GRXCR1: variants seen among roughly 807,000 people sequenced by gnomAD.
The protein encoded by GRXCR1 is glutaredoxin domain-containing cysteine-rich protein 1.
Under a neutral mutation model 27.3 loss-of-function variants are expected in GRXCR1, and 27 were observed. The observed-to-expected ratio is 0.99, with a 90% CI of 0.73 to 1.37. GRXCR1 has a LOEUF of 1.37. Among genes scored for constraint, GRXCR1 ranks in the 40% most tolerant of loss-of-function variants. The probability of loss-of-function intolerance (pLI) is 0.00; values close to 1 mark genes in which losing one functional copy is unlikely to be tolerated. For missense variants in GRXCR1, 379 were observed against 354.4 expected, an observed-to-expected ratio of 1.07 and a Z score of -0.56; for synonymous variants, 122 against 131.1, an observed-to-expected ratio of 0.93 and a Z score of 0.47.
chr4:43,021,695 G>A (rs544159875), intron 3 of GRXCR1, among the ~76,000 whole-genome samples: 37 of 152,328 alleles, frequency 2.4e-4, no homozygotes, highest in African/African-American at 7.9e-4. Context: ...GTGGTTCAAT[G>A]AGGATGATGG....
rs1177949284 is a variant in GRXCR1 at position 43,001,644 on chromosome 4, GC to G, written c.628-18707del. 7.9e-5 allele frequency among the ~76,000 whole-genome samples: 12 copies of G among 152,170 alleles called. No individual in the cohort carries two copies. The East Asian group carries it at 2.1e-3, about 27-fold the overall frequency. On this transcript the variant is annotated intron_variant, in intron 2 of 3. Coordinates refer to ENST00000399770, the MANE Select transcript of GRXCR1 (RefSeq NM_001080476.3). ...TACCTCATTATGTTGTGAAGGGGTGGCCCTGCCCCTCCACACCTGCGGGTAT... is the reference window on the plus strand; with the variant it reads ...TACCTCATTATGTTGTGAAGGGGTGGCCTGCCCCTCCACACCTGCGGGTAT...
At chr4:42,962,192 G>T (rs1209833679) in intron 1 of GRXCR1, among the ~76,000 whole-genome samples, 1 of 151,872 alleles carries the variant, frequency 6.6e-6, no homozygotes, top group Admixed American at 6.6e-5. Context: ...AGTGTTGCTT[G>T]CCTCCCCTCC....
intron 1 of GRXCR1, among the ~76,000 whole-genome samples, chr4:42,944,536 C>T (rs750642553): frequency 1.7e-4 from 26 of 152,072 alleles, no homozygotes; most frequent in Non-Finnish European, 3.1e-4. Context: ...TTTCTTTGAT[C>T]CTCATAAGGG....
chr4:42,913,433 A>C (rs1221318931), intron 1 of GRXCR1, among the ~76,000 whole-genome samples: 1 of 152,182 alleles, frequency 6.6e-6, no homozygotes, highest in East Asian at 1.9e-4. Context: ...TACGCTTAAC[A>C]ACGAGACTGG....
intron 2 of GRXCR1, among the ~76,000 whole-genome samples, chr4:42,977,688 G>A (rs911144381): frequency 1.1e-4 from 16 of 151,798 alleles, no homozygotes; most frequent in Admixed American, 2.6e-4. Context: ...TGGGTTCCTT[G>A]TATATTCTGG....
chr4:42,991,281 C>T lies in GRXCR1; in HGVS notation c.627+28147C>T, dbSNP rs79700949. Among the ~76,000 whole-genome samples the T allele has an allele frequency of 4.3e-3, 658 of 152,096 alleles. 2 individuals carry two copies. Among genetic ancestry groups the T allele is most frequent in the African/African-American group, 0.014 (601 of 41,542 alleles). ...ACATAATTGGATTTTATATATTTGG[C>T]AACATCTGTGAATCTTTATGCTTTA... On this transcript the variant is annotated intron_variant, in intron 2 of 3. Coordinates refer to ENST00000399770, the MANE Select transcript of GRXCR1 (RefSeq NM_001080476.3).
intron 2 of GRXCR1, among the ~76,000 whole-genome samples, chr4:42,969,527 G>A (rs1005188129): frequency 6.6e-6 from 1 of 152,122 alleles, no homozygotes; most frequent in Non-Finnish European, 1.5e-5. Flanking sequence ...GGGAAAGCAA[G>A]CATGTCTTTA....
At chr4:43,014,024 T>C (rs1577945736) in intron 2 of GRXCR1, among the ~76,000 whole-genome samples, 2 of 149,226 alleles carry the variant, frequency 1.3e-5, no homozygotes, top group East Asian at 3.9e-4. Context: ...AGGCATTTTC[T>C]GACACCCAAA....
Position 43,030,361 on chromosome 4 carries a change from A to G in GRXCR1, c.694A>G (p.Arg232Gly). The change falls in exon 4 of 4, where the codon AGA becomes GGA. Residue 232 changes from arginine to glycine, a missense_variant and splice_region_variant. Physicochemically the swap from Arg to Gly is moderately radical, Grantham distance 125. Coordinates refer to ENST00000399770, the MANE Select transcript of GRXCR1 (RefSeq NM_001080476.3). ...ELQDILTKIE[R>G]VQHPHECPSC... ...CTTGTTCCCCTGCCACCTTATACAG[A>G]GAGTACAGCATCCACATGAGTGTCC... 1 of 1,613,478 alleles carries G rather than the reference A, an allele frequency of 6.2e-7. No homozygotes were observed. The highest frequency in any genetic ancestry group is 8.5e-7 in the Non-Finnish European group (1 of 1,179,918).
intron 1 of GRXCR1, among the ~76,000 whole-genome samples, chr4:42,949,141 G>A (rs1747817898): frequency 1.3e-5 from 2 of 151,794 alleles, no homozygotes; most frequent in Admixed American, 1.3e-4. Context: ...AGATCACGAG[G>A]TCAGGAGATC....
intron 2 of GRXCR1, among the ~76,000 whole-genome samples, chr4:43,004,220 G>A (rs766627249): frequency 2.6e-5 from 4 of 152,276 alleles, no homozygotes; most frequent in Non-Finnish European, 4.4e-5. Flanking sequence ...TGTTGGGCCT[G>A]TGAGTGTGCA....
intron 2 of GRXCR1, among the ~76,000 whole-genome samples, chr4:43,016,295 G>A (rs535343042): frequency 7.2e-5 from 11 of 152,130 alleles, no homozygotes; most frequent in African/African-American, 1.7e-4. Context: ...TGGTGACTAC[G>A]AAAGGACATG....
Position 43,028,637 on chromosome 4 carries a change from C to T in GRXCR1, c.694-1724C>T, listed in dbSNP as rs114708951. Among the ~76,000 whole-genome samples the T allele has an allele frequency of 4.9e-3, 751 of 152,352 alleles. 10 individuals carry two copies. Among genetic ancestry groups the T allele is most frequent in the African/African-American group, 0.015 (640 of 41,590 alleles). On this transcript the variant is annotated intron_variant, in intron 3 of 3. Transcript: ENST00000399770. ...TTTCTAGTATTTGATAAGAACTCCACTACTTAGGAATTTTCTCATATTTAG... is the reference window on the plus strand; with the variant it reads ...TTTCTAGTATTTGATAAGAACTCCATTACTTAGGAATTTTCTCATATTTAG...
chr4:42,935,382 G>A (rs576531414), intron 1 of GRXCR1, among the ~76,000 whole-genome samples: 1 of 152,008 alleles, frequency 6.6e-6, no homozygotes, highest in Non-Finnish European at 1.5e-5. Context: ...TGTGCACTAA[G>A]TGGTAAAGTT....
chr4:43,028,801 A>G (rs1713334253), intron 3 of GRXCR1, among the ~76,000 whole-genome samples: 1 of 152,204 alleles, frequency 6.6e-6, no homozygotes, highest in Non-Finnish European at 1.5e-5. Flanking sequence ...AATGACAAAA[A>G]TCCATCAACA....
At chr4:42,996,633 T>C (rs75585431) in intron 2 of GRXCR1, among the ~76,000 whole-genome samples, 1,863 of 152,214 alleles carry the variant, frequency 0.012, 31 homozygotes, top group Non-Finnish European at 0.019. Flanking sequence ...GTCTATTCCA[T>C]TTATTGTGAA....
At chr4:42,947,463 T>A (rs1402157254) in intron 1 of GRXCR1, among the ~76,000 whole-genome samples, 1 of 152,188 alleles carries the variant, frequency 6.6e-6, no homozygotes, top group Non-Finnish European at 1.5e-5. Context: ...GTTGTGAAGA[T>A]TATGGCAGTA....
chr4:43,020,438 A>T lies in GRXCR1; in HGVS notation c.693+19A>T. ...AATTGAGGTAAATGTGCTTTCAGCA[A>T]CTTAGTTTTAGTAATCAAAATATTA... is the stretch of plus-strand genomic sequence containing the variant. On this transcript the variant is annotated intron_variant, in intron 3 of 3. Transcript: ENST00000399770. 6.6e-7 allele frequency: 1 copy of T among 1,511,482 alleles called. No individual in the cohort carries two copies. Among genetic ancestry groups the T allele is most frequent in the South Asian group, 1.1e-5 (1 of 88,954 alleles). The allele number at this position is 1,511,482 out of a possible 1,614,324, so 93.6% of individuals were successfully genotyped here. A position where few individuals can be genotyped will look rare whatever the true frequency, so the allele number is the denominator to read the frequency against.
intron 1 of GRXCR1, among the ~76,000 whole-genome samples, chr4:42,898,445 C>T (rs2109736425): frequency 7.2e-6 from 1 of 138,034 alleles, no homozygotes; most frequent in Middle Eastern, 3.7e-3. Flanking sequence ...TTCACTATCT[C>T]AGGATGGGTA....
Sources: allele counts gnomAD v4.1 joint callset (sites outside exome capture counted in the v4.1 genomes callset), GRCh38; gene constraint gnomAD v4.1.1; transcripts MANE v1.5; gene names NCBI Gene and HGNC (gene_info 2026-07-23, HGNC 2026-07-21).